The following USP7 variants were observed in gnomAD, a reference collection of about 807,000 sequenced individuals.
USP7 encodes the protein ubiquitin specific peptidase 7.
Under a neutral mutation model 162.9 loss-of-function variants are expected in USP7, and 9 were observed. That is an observed-to-expected ratio of 0.06 (90% CI 0.03 to 0.10). The LOEUF (loss-of-function observed/expected upper bound fraction) is 0.10, where lower values mean the gene tolerates loss of function less well. USP7 is among the 10% of genes least tolerant of loss of function. The pLI is 1.00. For missense variants in USP7, 715 were observed against 1,373.7 expected, an observed-to-expected ratio of 0.52 and a Z score of 7.58; for synonymous variants, 562 against 475.9, an observed-to-expected ratio of 1.18 and a Z score of -2.35.
At chr16:8,905,043 C>G in intron 14 of USP7, 144 bp downstream of exon 14, 2 of 967,836 alleles carry the variant, frequency 2.1e-6, no homozygotes, top group South Asian at 1.7e-5. Context: ...ACGCGCAAGC[C>G]CAACCCTGCT....
intron 1 of USP7, chr16:8,935,711 T>C (rs1898670646): frequency 6.6e-6 from 1 of 152,196 alleles, no homozygotes; most frequent in African/African-American, 2.4e-5. Context: ...TGCTAGGCCT[T>C]TTAACGCAAT....
At chr16:8,904,845 G>A (rs985567887) in intron 14 of USP7, among the ~76,000 whole-genome samples, 4 of 151,982 alleles carry the variant, frequency 2.6e-5, no homozygotes, top group Non-Finnish European at 4.4e-5. Context: ...GGTGGCAGAC[G>A]CCTGTAGTCC....
chr16:8,919,324 C>A (rs773410281), intron 5 of USP7, among the ~76,000 whole-genome samples, 185 bp from the exon 6 acceptor site: 13 of 152,000 alleles, frequency 8.6e-5, no homozygotes, highest in South Asian at 2.1e-4. Flanking sequence ...GGTGCAAATG[C>A]AACCCCCACA....
chr16:8,921,966 G>C (rs1188703777), intron 3 of USP7, among the ~76,000 whole-genome samples: 2 of 152,234 alleles, frequency 1.3e-5, no homozygotes, highest in Non-Finnish European at 2.9e-5. Flanking sequence ...TTCAGGACAA[G>C]GGTAGGACAG....
At chr16:8,930,884 A>G (rs1209870207) in intron 1 of USP7, among the ~76,000 whole-genome samples, 1 of 151,728 alleles carries the variant, frequency 6.6e-6, no homozygotes, top group Non-Finnish European at 1.5e-5. Flanking sequence ...AATGAAAATC[A>G]CTTGAACTCA....
intron 1 of USP7, among the ~76,000 whole-genome samples, chr16:8,933,384 T>C (rs1214846772): frequency 1.3e-5 from 2 of 152,230 alleles, no homozygotes; most frequent in South Asian, 2.1e-4. Flanking sequence ...CCCAACTCTA[T>C]TAAAAACAAA....
chr16:8,951,235 T>C (rs1313131038), intron 1 of USP7, among the ~76,000 whole-genome samples: 1 of 928 alleles, frequency 1.1e-3, no homozygotes, highest in East Asian at 0.025. Context: ...CCTATGAAGA[T>C]GTACATCATA....
At chr16:8,929,003 A>T (rs1898169146) in intron 2 of USP7, among the ~76,000 whole-genome samples, 1 of 97,092 alleles carries the variant, frequency 1.0e-5, no homozygotes, top group African/African-American at 2.8e-5. Context: ...GAAGCTAAGA[A>T]GCTCCGCCCT....
chr16:8,951,328 T>C (rs913056377), intron 1 of USP7, among the ~76,000 whole-genome samples: 3 of 2,812 alleles, frequency 1.1e-3, no homozygotes, highest in African/African-American at 1.7e-3. Context: ...CCTGAGCCTC[T>C]GGTAGCCCTG....
intron 1 of USP7, among the ~76,000 whole-genome samples, chr16:8,930,930 C>G (rs569653268): frequency 6.0e-4 from 90 of 150,758 alleles, no homozygotes; most frequent in African/African-American, 2.0e-3. Flanking sequence ...GATCATGCCA[C>G]TGCACTCCAG....
Position 8,910,785 on chromosome 16 carries a change from T to G in USP7, c.1121A>C (p.Asp374Ala). The stretch of plus-strand genomic sequence containing the variant: ...CCCAGCGTCGTATTTATTGTCCCCA[T>G]CGAGCTGTTCTACTGCCACATAATC... ...FVDYVAVEQL[D>A]GDNKYDAGEH... The change falls in exon 11 of 31, where the codon GAT becomes GCT. Residue 374 changes from aspartate to alanine, a missense_variant. Physicochemically the swap from Asp to Ala is moderately radical, Grantham distance 126. This residue lies in a region of USP7 where 21 missense variants were observed against 23.8 expected (regional missense o/e 0.88). Transcript: ENST00000344836. 6.2e-7 allele frequency: 1 copy of G among 1,614,176 alleles called. No homozygotes were observed. Among genetic ancestry groups the G allele is most frequent in the Non-Finnish European group, 8.5e-7 (1 of 1,180,042 alleles).
intron 21 of USP7, 66 bp from the exon 22 acceptor site, chr16:8,899,823 G>A: frequency 6.4e-7 from 1 of 1,573,684 alleles, no homozygotes; most frequent in Non-Finnish European, 8.7e-7. Flanking sequence ...GGTAAAAATG[G>A]CATCATCTTT....
chr16:8,941,809 CGTCT>C (rs1567241259), intron 1 of USP7, among the ~76,000 whole-genome samples: 1 of 152,176 alleles, frequency 6.6e-6, no homozygotes, highest in African/African-American at 2.4e-5. Flanking sequence ...TCCAAGCCTC[CGTCT>C]CTGACAGATG....
intron 1 of USP7, among the ~76,000 whole-genome samples, chr16:8,942,014 A>C (rs1899067954): frequency 6.6e-6 from 1 of 152,226 alleles, no homozygotes. Flanking sequence ...CAGAGTGGCA[A>C]ATTCTGTGGC....
intron 29 of USP7, 38 bp from the exon 30 acceptor site, chr16:8,894,678 G>A: frequency 6.2e-7 from 1 of 1,611,164 alleles, no homozygotes; most frequent in Non-Finnish European, 8.5e-7. Context: ...CGTTATTTCT[G>A]TATATCAGCA....
intron 1 of USP7, among the ~76,000 whole-genome samples, chr16:8,937,550 A>T (rs529998301): frequency 6.6e-6 from 1 of 151,936 alleles, no homozygotes; most frequent in African/African-American, 2.4e-5. Context: ...TCAAAAAATA[A>T]TAAGTTGGGT....
At chr16:8,941,548 T>C (rs1899045696) in intron 1 of USP7, among the ~76,000 whole-genome samples, 1 of 152,216 alleles carries the variant, frequency 6.6e-6, no homozygotes, top group Non-Finnish European at 1.5e-5. Context: ...CAAAACACAT[T>C]TCGGCTTTTT....
intron 12 of USP7, among the ~76,000 whole-genome samples, chr16:8,907,908 T>C (rs1452249422): frequency 6.6e-6 from 1 of 152,224 alleles, no homozygotes; most frequent in Non-Finnish European, 1.5e-5. Flanking sequence ...CTCTAGCACA[T>C]TCTAAAAGTT....
At chr16:8,906,298 A>G in intron 13 of USP7, 128 bp downstream of exon 13, 1 of 1,032,164 alleles carries the variant, frequency 9.7e-7, no homozygotes. Flanking sequence ...AGCATTTAGC[A>G]GCCAGAGAAT....
Sources: allele counts gnomAD v4.1 joint callset (sites outside exome capture counted in the v4.1 genomes callset), GRCh38; gene constraint gnomAD v4.1.1; regional missense constraint gnomAD v4.1.1; transcripts MANE v1.5; gene names NCBI Gene and HGNC (gene_info 2026-07-23, HGNC 2026-07-21).